CELF5: variants seen among roughly 807,000 people sequenced by gnomAD.
The protein encoded by CELF5 is CUG-BP and ETR-3 like factor 5.
Under a neutral mutation model 54.9 loss-of-function variants are expected in CELF5, and 6 were observed. The ratio of observed to expected loss-of-function variants is 0.11; its 90% CI spans 0.06 to 0.22. The LOEUF (loss-of-function observed/expected upper bound fraction) is 0.22, where lower values mean the gene tolerates loss of function less well. Ranked by LOEUF, CELF5 falls within the 10% of genes least tolerant of loss-of-function variation. The probability of loss-of-function intolerance (pLI) is 1.00; values close to 1 mark genes in which losing one functional copy is unlikely to be tolerated. For missense variants in CELF5, 401 were observed against 678.6 expected (o/e 0.59, Z 4.54); for synonymous variants, 271 against 290.9 (o/e 0.93, Z 0.70).
intron 1 of CELF5, among the ~76,000 whole-genome samples, chr19:3,227,484 GA>G (rs1275706583): frequency 6.6e-6 from 1 of 152,112 alleles, no homozygotes; most frequent in Admixed American, 6.5e-5. Flanking sequence ...CCCAGGCCTG[GA>G]GAGAAATCCC....
intron 2 of CELF5, among the ~76,000 whole-genome samples, chr19:3,262,555 G>GACAGCT (rs1201593656): frequency 1.3e-5 from 2 of 152,146 alleles, no homozygotes; most frequent in African/African-American, 4.8e-5. Context: ...CTGTATCATG[G>GACAGCT]ACAGCATAGG....
chr19:3,273,818 C>T lies in CELF5; in HGVS notation c.343-54C>T, dbSNP rs2080003718. 6.1e-6 allele frequency: 7 copies of T among 1,140,946 alleles called. 1 individual carries two copies. Among genetic ancestry groups the T allele is most frequent in the East Asian group, 2.4e-5 (1 of 41,938 alleles). The allele number at this position is 1,140,946 out of a possible 1,614,324, so 70.7% of individuals were successfully genotyped here. On this transcript the variant is annotated intron_variant, in intron 2 of 12. Coordinates refer to ENST00000292672, the MANE Select transcript of CELF5 (RefSeq NM_021938.4). ...TGCAGAGCTCAGGCAAAACCCCCCGCCTGCCACACCCCCACTGCTAAGCTT... is the reference window on the plus strand; with the variant it reads ...TGCAGAGCTCAGGCAAAACCCCCCGTCTGCCACACCCCCACTGCTAAGCTT...
Position 3,278,162 on chromosome 19 carries a change from G to C in CELF5, c.603+52G>C, listed in dbSNP as rs76386422. The C allele has an allele frequency of 1.6e-4, 184 of 1,142,910 alleles. No individual in the cohort carries two copies. In the African/African-American group the frequency reaches 2.6e-3, roughly 16 times the overall value. 70.8% of individuals were successfully genotyped at this position (1,142,910 alleles called of 1,614,324 possible). On this transcript the variant is annotated intron_variant, in intron 5 of 12. Coordinates refer to ENST00000292672, the MANE Select transcript of CELF5 (RefSeq NM_021938.4). This position sits in a 1 kb window ranked among gnomAD's most constrained non-coding sequence, Gnocchi z 4.5. ...GGGGTGGGGGTGGGAAAGGGGTGAGGGGGACAGGGATGAAACAGGCCATAT... is the reference window on the plus strand; with the variant it reads ...GGGGTGGGGGTGGGAAAGGGGTGAGCGGGACAGGGATGAAACAGGCCATAT...
Position 3,284,961 on chromosome 19 carries a change from A to T in CELF5, c.1099A>T (p.Thr367Ser). 6.2e-7 allele frequency: 1 copy of T among 1,610,840 alleles called. No homozygotes were observed. The highest frequency in any genetic ancestry group is 8.5e-7 in the Non-Finnish European group (1 of 1,178,934). Reference protein sequence around the residue: ...HPAFSGVQQYTAMYPTAAITP... With the variant: ...HPAFSGVQQYSAMYPTAAITP... ...TGCCTTCTCCGGAGTCCAGCAGTAC[A>T]CAGGTAGGAGGCAGCCCGCGTGCCC... The change falls in exon 9 of 13, where the codon ACA becomes TCA. Residue 367 changes from threonine to serine, a missense_variant. Thr to Ser is a moderately conservative substitution (Grantham distance 58, BLOSUM62 1). Around this residue, in one of 6 missense-constraint regions of CELF5, gnomAD observed 143 missense variants for 147.6 expected, o/e 0.97. Coordinates refer to ENST00000292672, the MANE Select transcript of CELF5 (RefSeq NM_021938.4).
In CELF5 at chr19:3,242,327, A is replaced by C. The variant is rs552874682; in HGVS notation, c.260-8658A>C. Among the ~76,000 whole-genome samples, 10 of 152,054 alleles carry C rather than the reference A, an allele frequency of 6.6e-5. No individual in the cohort carries two copies. The East Asian group carries it at 1.9e-3, about 30-fold the overall frequency. On this transcript the variant is annotated intron_variant, in intron 1 of 12. Transcript: ENST00000292672. Reference sequence around the variant, plus strand: ...GGCGGGCAGATTACTTGAGGTCAGGAGTTCAAGACTAGCCCGGCCAACATG... The same window carrying C: ...GGCGGGCAGATTACTTGAGGTCAGGCGTTCAAGACTAGCCCGGCCAACATG...
At chr19:3,253,303 C>T (rs1165870379) in intron 2 of CELF5, among the ~76,000 whole-genome samples, 3 of 152,070 alleles carry the variant, frequency 2.0e-5, no homozygotes, top group Admixed American at 6.6e-5. Context: ...TTCACAGCTA[C>T]CAGGGGTCAG....
At chr19:3,269,018 G>C (rs1448973021) in intron 2 of CELF5, among the ~76,000 whole-genome samples, 3 of 152,112 alleles carry the variant, frequency 2.0e-5, no homozygotes, top group Admixed American at 2.0e-4. Context: ...GCAGCGTTTA[G>C]AGCAGGGGAG....
At position 3,282,575 on chromosome 19, in the gene CELF5, C is replaced by T. The variant is rs2080171531; in HGVS notation, c.1039+77C>T. 1 of 1,491,382 alleles carries T rather than the reference C, an allele frequency of 6.7e-7. No individual in the cohort carries two copies. Among genetic ancestry groups the T allele is most frequent in the Admixed American group, 1.9e-5 (1 of 52,648 alleles). The allele number at this position is 1,491,382 out of a possible 1,614,324, so 92.4% of individuals were successfully genotyped here. A position where few individuals can be genotyped will look rare whatever the true frequency, so the allele number is the denominator to read the frequency against. ...GGTGTTTCTGGAACAAGTATGAGTC[C>T]CTACATCACAGTGCCCAGGGAACAG... On this transcript the variant is annotated intron_variant, in intron 8 of 12. Transcript: ENST00000292672. The surrounding 1 kb of genome is among the most constrained non-coding windows in gnomAD (Gnocchi z 5.2).
At chr19:3,276,047 T>G (rs2080044205) in intron 4 of CELF5, 63 bp downstream of exon 4, 4 of 123,826 alleles carry the variant, frequency 3.2e-5, no homozygotes, top group South Asian at 8.9e-5. Context: ...GGGCGGGGCC[T>G]GTGGGGAGGG....
intron 1 of CELF5, among the ~76,000 whole-genome samples, chr19:3,226,767 CT>C (rs11453088): frequency 3.4e-3 from 494 of 143,660 alleles, no homozygotes; most frequent in Middle Eastern, 0.018. Flanking sequence ...TCTTCTTCAT[CT>C]TTTTTTTTTT....
In CELF5 at chr19:3,256,564, ATT is replaced by A. The variant is rs2079730009; in HGVS notation, c.342+5498_342+5499del. The stretch of plus-strand genomic sequence containing the variant: ...TATTATTATTATTATTATTATTATT[ATT>A]ATTATTATTAATTTTTTTTTGAGAC... On this transcript the variant is annotated intron_variant, in intron 2 of 12. Transcript: ENST00000292672. Among the ~76,000 whole-genome samples, 50 of 114,296 alleles carry A rather than the reference ATT, an allele frequency of 4.4e-4. No individual in the cohort carries two copies. In the Admixed American group the frequency reaches 4.5e-3, roughly 10 times the overall value. The allele number at this position is 114,296 out of a possible 152,430, so 75.0% of individuals were successfully genotyped here. A position where few individuals can be genotyped will look rare whatever the true frequency, so the allele number is the denominator to read the frequency against.
chr19:3,290,776 C>G (rs1330199980), intron 11 of CELF5, among the ~76,000 whole-genome samples: 1 of 150,210 alleles, frequency 6.7e-6, no homozygotes, highest in Non-Finnish European at 1.5e-5. Context: ...CAGTGTTAGC[C>G]AGGAAGGTCT....
intron 1 of CELF5, among the ~76,000 whole-genome samples, chr19:3,243,489 C>G (rs2145030468): frequency 6.6e-6 from 1 of 152,236 alleles, no homozygotes; most frequent in Non-Finnish European, 1.5e-5. Flanking sequence ...ACTACGTTGC[C>G]TAGGCTGGTC....
At chr19:3,229,567 C>T (rs1188866553) in intron 1 of CELF5, among the ~76,000 whole-genome samples, 5 of 152,214 alleles carry the variant, frequency 3.3e-5, no homozygotes. Context: ...TCTGGTTTCC[C>T]TGCGTCTTGT....
intron 2 of CELF5, among the ~76,000 whole-genome samples, chr19:3,263,571 G>C (rs572330209): frequency 5.4e-5 from 8 of 148,896 alleles, no homozygotes; most frequent in South Asian, 4.4e-4. Context: ...TAGAAACAAA[G>C]AAACAAACAA....
rs1320642455 is a variant in CELF5, at chr19:3,284,922, G to C, written c.1060G>C (p.Glu354Gln). 1 of 1,612,892 alleles carries C rather than the reference G, an allele frequency of 6.2e-7. No individual in the cohort carries two copies. The highest frequency in any genetic ancestry group is 8.5e-7 in the Non-Finnish European group (1 of 1,179,598). Residue 354 changes from glutamate to glutamine, a missense_variant, in exon 9 of 13, where the codon GAG becomes CAG. By Grantham distance (29) the Glu-to-Gln change is conservative. Around this residue, in one of 6 missense-constraint regions of CELF5, gnomAD observed 143 missense variants for 147.6 expected, o/e 0.97. Coordinates refer to ENST00000292672, the MANE Select transcript of CELF5 (RefSeq NM_021938.4). ...PYPAQSPTVA[E>Q]TLHPAFSGVQ... ...CGCAGCTCAGAGCCCGACTGTGGCC[G>C]AGACACTGCATCCTGCCTTCTCCGG...
intron 2 of CELF5, among the ~76,000 whole-genome samples, chr19:3,270,104 C>G (rs985712663): frequency 1.3e-5 from 2 of 152,162 alleles, no homozygotes; most frequent in Non-Finnish European, 2.9e-5. Context: ...GCCTTTGGCT[C>G]TTCACTCTCC....
chr19:3,296,259 C>T (rs1337677032), intron 12 of CELF5: 1 of 146,056 alleles, frequency 6.8e-6, no homozygotes, highest in Admixed American at 7.0e-5. Context: ...TTCGTTTGGA[C>T]ATCCGGCAAG....
chr19:3,261,539 C>G (rs1350622749), intron 2 of CELF5, among the ~76,000 whole-genome samples: 1 of 151,980 alleles, frequency 6.6e-6, no homozygotes, highest in Non-Finnish European at 1.5e-5. Flanking sequence ...TTTTCAAGAC[C>G]AGGCCTGGTG....
Sources: gnomAD v4.1 joint callset for allele counts (sites outside exome capture counted in the v4.1 genomes callset) on GRCh38, gnomAD v4.1.1 for gene constraint, gnomAD v4.1.1 regional missense constraint, Gnocchi (gnomAD v3.1) non-coding constraint, MANE v1.5 for transcripts, NCBI Gene and HGNC (gene_info 2026-07-23, HGNC 2026-07-21) for gene names.